The following BBS5 variants were observed in gnomAD, a reference collection of about 807,000 sequenced individuals.
BBS5 encodes Bardet-Biedl syndrome 5.
BBS5 carries 39 observed loss-of-function variants against 50.2 expected under a neutral mutation model. The ratio of observed to expected loss-of-function variants is 0.78; its 90% CI spans 0.60 to 1.01. The LOEUF is 1.01. Ranked by LOEUF, BBS5 falls within the 50% of genes least tolerant of loss-of-function variation. The pLI is 0.00. For missense variants in BBS5, 356 were observed against 401.5 expected (o/e 0.89, Z 0.97); for synonymous variants, 134 against 133.1 (o/e 1.01, Z -0.05).
intron 1 of BBS5, among the ~76,000 whole-genome samples, chr2:169,481,329 GGA>G (rs1683391954): frequency 6.6e-6 from 1 of 152,172 alleles, no homozygotes; most frequent in Non-Finnish European, 1.5e-5. Flanking sequence ...GTAGACAGGA[GGA>G]GAGTATTCCA....
chr2:169,492,271 C>CA (rs1491029047), intron 5 of BBS5, among the ~76,000 whole-genome samples: 1 of 151,806 alleles, frequency 6.6e-6, no homozygotes, highest in Non-Finnish European at 1.5e-5. Flanking sequence ...GCGGGCAGAT[C>CA]ACGAGGTCAA....
At chr2:169,479,761 C>A (rs1292866029) in intron 1 of BBS5, 149 bp downstream of exon 1, 6 of 903,378 alleles carry the variant, frequency 6.6e-6, no homozygotes, top group Non-Finnish European at 8.8e-6. Flanking sequence ...CCTCGAGAGA[C>A]CTCAGGCTGG....
At position 169,487,888 on chromosome 2, in the gene BBS5, A is replaced by G. The variant is rs192952377; in HGVS notation, c.258+33A>G. 1.1e-4 allele frequency: 165 copies of G among 1,570,352 alleles called. No individual in the cohort carries two copies. The African/African-American group carries it at 2.0e-3, about 19-fold the overall frequency. On this transcript the variant is annotated intron_variant, in intron 4 of 11. Coordinates refer to ENST00000295240, the MANE Select transcript of BBS5 (RefSeq NM_152384.3). The stretch of plus-strand genomic sequence containing the variant: ...TAAAAAATCTTATTGCAATATATAT[A>G]TAGTAAAGAAACTAGATATTTGAGA...
At chr2:169,496,863 CG>C (rs1159988555) in intron 7 of BBS5, among the ~76,000 whole-genome samples, 2 of 150,446 alleles carry the variant, frequency 1.3e-5, no homozygotes, top group Admixed American at 1.3e-4. Flanking sequence ...AGCGAGACTC[CG>C]TCTCAAAAAA....
chr2:169,500,241 A>C (rs1328658976), intron 9 of BBS5, among the ~76,000 whole-genome samples: 1 of 152,146 alleles, frequency 6.6e-6, no homozygotes, highest in Non-Finnish European at 1.5e-5. Context: ...CATCCAGTCT[A>C]TCAGTGATTT....
At chr2:169,496,824 A>G (rs1408921428) in intron 7 of BBS5, among the ~76,000 whole-genome samples, 1 of 151,618 alleles carries the variant, frequency 6.6e-6, no homozygotes, top group Non-Finnish European at 1.5e-5. Context: ...AGCCAAGATC[A>G]CACCACTGCA....
intron 8 of BBS5, 22 bp from the exon 9 acceptor site, chr2:169,499,464 T>A (rs1559125337): frequency 6.2e-7 from 1 of 1,608,562 alleles, no homozygotes; most frequent in Admixed American, 1.7e-5. Context: ...TGGGTTTTTT[T>A]TTATTATTTT....
chr2:169,479,705 G>T, intron 1 of BBS5, 93 bp downstream of exon 1: 2 of 1,390,758 alleles, frequency 1.4e-6, no homozygotes, highest in Non-Finnish European at 1.0e-6. Context: ...CACCTCCGCA[G>T]CTCGCGGCCC....
Position 169,503,256 on chromosome 2 carries a change from G to T in BBS5, c.900+78G>T, listed in dbSNP as rs898876100. On this transcript the variant is annotated intron_variant, in intron 10 of 11. Coordinates refer to ENST00000295240, the MANE Select transcript of BBS5 (RefSeq NM_152384.3). Reference sequence around the variant, plus strand: ...TGTTTAATAAAATAATGGTGTGTGTGAAACACCATATAACTTGAGATTTTG... The same window carrying T: ...TGTTTAATAAAATAATGGTGTGTGTTAAACACCATATAACTTGAGATTTTG... 3.4e-5 allele frequency: 38 copies of T among 1,120,234 alleles called. No homozygotes were observed. The Admixed American group carries it at 7.1e-4, about 21-fold the overall frequency. 69.4% of individuals were successfully genotyped at this position (1,120,234 alleles called of 1,614,324 possible). A position where few individuals can be genotyped will look rare whatever the true frequency, so the allele number is the denominator to read the frequency against.
At chr2:169,479,757 G>A (rs1683355689) in intron 1 of BBS5, 145 bp downstream of exon 1, 5 of 921,634 alleles carry the variant, frequency 5.4e-6, no homozygotes, top group Middle Eastern at 5.9e-4. Context: ...CGCGCCTCGA[G>A]AGACCTCAGG....
At chr2:169,489,192 G>A (rs558549844) in intron 5 of BBS5, among the ~76,000 whole-genome samples, 1 of 152,144 alleles carries the variant, frequency 6.6e-6, no homozygotes, top group African/African-American at 2.4e-5. Flanking sequence ...CAGACGTGGT[G>A]GCGCACGTCT....
Position 169,482,348 on chromosome 2 carries a change from A to G in BBS5, c.142+15A>G, listed in dbSNP as rs1683412358. On this transcript the variant is annotated intron_variant, in intron 2 of 11. Transcript: ENST00000295240. The stretch of plus-strand genomic sequence containing the variant: ...TGGAGATAGAGGTGAGTATATTTTT[A>G]AATGTATCTTATATTCCTGGTTTAA... 6.9e-7 allele frequency: 1 copy of G among 1,448,136 alleles called. No homozygotes were observed. Among genetic ancestry groups the G allele is most frequent in the Non-Finnish European group, 9.7e-7 (1 of 1,029,186 alleles). 89.7% of individuals were successfully genotyped at this position (1,448,136 alleles called of 1,614,324 possible).
At chr2:169,491,301 C>A (rs78065018) in intron 5 of BBS5, among the ~76,000 whole-genome samples, 2 of 152,040 alleles carry the variant, frequency 1.3e-5, no homozygotes, top group Non-Finnish European at 2.9e-5. Context: ...TGCTTCCCCC[C>A]CAAAATAATT....
At chr2:169,492,624 G>A (rs1683619162) in intron 5 of BBS5, among the ~76,000 whole-genome samples, 1 of 152,064 alleles carries the variant, frequency 6.6e-6, no homozygotes, top group African/African-American at 2.4e-5. Context: ...CATGCCTATA[G>A]TCCCAGCTAC....
rs1408653678 is a variant in BBS5 at position 169,505,982 on chromosome 2, C to T, written c.*1400C>T. ...GGGGTCAGCCCCCCGCCCGGCCAGC[C>T]GCCCCGTCCGGGAGGGAGGTGGGGG... On this transcript the variant is annotated 3_prime_UTR_variant, in exon 12 of 12. Transcript: ENST00000295240. 1.6e-5 allele frequency: 1 copy of T among 63,302 alleles called. No homozygotes were observed. The highest frequency in any genetic ancestry group is 3.7e-5 in the African/African-American group (1 of 26,672). The allele number at this position is 63,302 out of a possible 1,614,324, so 3.9% of individuals were successfully genotyped here.
chr2:169,483,275 C>T (rs1683432232), intron 2 of BBS5, among the ~76,000 whole-genome samples: 1 of 152,146 alleles, frequency 6.6e-6, no homozygotes, highest in Admixed American at 6.5e-5. Flanking sequence ...TGTAAGCCTG[C>T]TTCTCTGAGA....
chr2:169,491,523 CTT>C (rs918795900), intron 5 of BBS5, among the ~76,000 whole-genome samples: 1 of 152,186 alleles, frequency 6.6e-6, no homozygotes, highest in African/African-American at 2.4e-5. Flanking sequence ...AAATAGGTAA[CTT>C]AGCCTGTTTT....
chr2:169,492,596 T>C (rs1268070132), intron 5 of BBS5, among the ~76,000 whole-genome samples: 1 of 151,950 alleles, frequency 6.6e-6, no homozygotes, highest in Non-Finnish European at 1.5e-5. Flanking sequence ...AAGAAAAATA[T>C]AGCTGGGTAC....
chr2:169,479,604 G>C lies in BBS5; in HGVS notation c.51G>C (p.Leu17=). The part of the protein sequence containing the change: ...LWEDRDVRFD[L]SAQQMKTRPG... ...AGGATCGGGATGTCCGTTTCGACCT[G>C]TCCGCGCAGTGAGTTTCCAAGATTC... is the stretch of plus-strand genomic sequence containing the variant. Residue 17 remains leucine, a synonymous_variant, in exon 1 of 12, where the codon CTG becomes CTC. Coordinates refer to ENST00000295240, the MANE Select transcript of BBS5 (RefSeq NM_152384.3). The C allele has an allele frequency of 6.2e-7, 1 of 1,614,184 alleles. No individual in the cohort carries two copies. Among genetic ancestry groups the C allele is most frequent in the South Asian group, 1.1e-5 (1 of 91,088 alleles).
Sources: gnomAD v4.1 joint callset for allele counts (sites outside exome capture counted in the v4.1 genomes callset) on GRCh38, gnomAD v4.1.1 for gene constraint, MANE v1.5 for transcripts, NCBI Gene and HGNC (gene_info 2026-07-23, HGNC 2026-07-21) for gene names.